The following ANKRD22 variants were observed in gnomAD, a reference collection of about 807,000 sequenced individuals.
ANKRD22 encodes ankyrin repeat domain 22.
A neutral mutation model predicts 25.7 loss-of-function variants in ANKRD22; 24 were observed. The ratio of observed to expected loss-of-function variants is 0.93; its 90% CI spans 0.68 to 1.31. The LOEUF is 1.31. Ranked by LOEUF, ANKRD22 falls within the 50% of genes most tolerant of loss-of-function variation. The pLI is 0.00. For synonymous variants in ANKRD22, 84 were observed against 84.3 expected (o/e 1.00, Z 0.02); for missense variants, 214 against 227.1 (o/e 0.94, Z 0.37).
chr10:88,840,994 C>T (rs1041769341), intron 1 of ANKRD22, among the ~76,000 whole-genome samples: 2 of 152,092 alleles, frequency 1.3e-5, no homozygotes, highest in Non-Finnish European at 2.9e-5. Context: ...GTCATAGTTC[C>T]TCATGAACGA....
intron 1 of ANKRD22, among the ~76,000 whole-genome samples, chr10:88,850,173 T>C (rs529777854): frequency 2.6e-5 from 4 of 152,154 alleles, no homozygotes; most frequent in South Asian, 4.1e-4. Flanking sequence ...AAGAGATTAC[T>C]ATTTAATTTT....
intron 2 of ANKRD22, among the ~76,000 whole-genome samples, chr10:88,831,594 C>CCAGA (rs1843904087): frequency 1.3e-5 from 2 of 152,062 alleles, no homozygotes; most frequent in South Asian, 4.1e-4. Context: ...AATAAGTGAA[C>CCAGA]CAGAGGTAAA....
intron 1 of ANKRD22, among the ~76,000 whole-genome samples, chr10:88,848,435 G>T (rs1253972888): frequency 6.6e-6 from 1 of 152,040 alleles, no homozygotes; most frequent in East Asian, 1.9e-4. Flanking sequence ...TACAAGGAAA[G>T]AATTAGAAAA....
intron 1 of ANKRD22, among the ~76,000 whole-genome samples, chr10:88,848,400 T>A (rs1844073407): frequency 6.6e-6 from 1 of 152,102 alleles, no homozygotes; most frequent in African/African-American, 2.4e-5. Flanking sequence ...GCACAACATT[T>A]TAATTTGTAA....
chr10:88,828,009 T>A (rs558878529), intron 3 of ANKRD22, among the ~76,000 whole-genome samples: 1 of 152,206 alleles, frequency 6.6e-6, no homozygotes, highest in African/African-American at 2.4e-5. Context: ...ACCAACTACA[T>A]CTTTCTTTAT....
rs1843783939 is a variant in ANKRD22 at position 88,820,737 on chromosome 10, A to C, written c.*2204T>G. Among the ~76,000 whole-genome samples, 1 of 152,196 alleles carries C rather than the reference A, an allele frequency of 6.6e-6. No homozygotes were observed. The highest frequency in any genetic ancestry group is 1.5e-5 in the Non-Finnish European group (1 of 68,030). On this transcript the variant is annotated 3_prime_UTR_variant, in exon 6 of 6. Transcript: ENST00000371930. ...CATCTTGAAGGGTAGGTTTTACCTG[A>C]TAGCCAGAAAATATCTAGACATTCT...
chr10:88,825,007 T>TCACACACACACA (rs568461484), intron 4 of ANKRD22, among the ~76,000 whole-genome samples: 1,415 of 115,360 alleles, frequency 0.012, 10 homozygotes, highest in Middle Eastern at 0.038. Context: ...TCTCTCTCTC[T>TCACACACACACA]CTCTCACACA....
intron 4 of ANKRD22, among the ~76,000 whole-genome samples, chr10:88,824,154 A>G (rs1007588088): frequency 6.6e-6 from 1 of 152,250 alleles, no homozygotes; most frequent in South Asian, 2.1e-4. Flanking sequence ...GTGCAGTTCT[A>G]CAGAGACATT....
At chr10:88,848,449 G>C (rs1023031137) in intron 1 of ANKRD22, among the ~76,000 whole-genome samples, 3 of 152,084 alleles carry the variant, frequency 2.0e-5, no homozygotes, top group Non-Finnish European at 4.4e-5. Flanking sequence ...TAGAAAACCA[G>C]TTGGGATGAA....
chr10:88,827,856 T>G (rs1843869325), intron 3 of ANKRD22, among the ~76,000 whole-genome samples: 1 of 152,198 alleles, frequency 6.6e-6, no homozygotes, highest in Non-Finnish European at 1.5e-5. Context: ...TCTTGAGTCA[T>G]GTCTGAGAAG....
chr10:88,847,270 C>G (rs564484440), intron 1 of ANKRD22, among the ~76,000 whole-genome samples: 6 of 131,364 alleles, frequency 4.6e-5, no homozygotes, highest in African/African-American at 1.6e-4. Flanking sequence ...TTTATTGTTA[C>G]TTTTTTGAGA....
intron 4 of ANKRD22, among the ~76,000 whole-genome samples, chr10:88,824,602 C>T (rs188362229): frequency 7.9e-5 from 12 of 152,116 alleles, no homozygotes; most frequent in African/African-American, 2.9e-4. Flanking sequence ...TGTGTGTGTA[C>T]CTGCATGTGT....
Position 88,820,809 on chromosome 10 carries a change from A to G in ANKRD22, c.*2132T>C, listed in dbSNP as rs1283287783. ...CTTTAAAACACCTATTGTTTTTTCT[A>G]TAAGCCATATTTTTGGAGCACTAAA... On this transcript the variant is annotated 3_prime_UTR_variant, in exon 6 of 6. Coordinates refer to ENST00000371930, the MANE Select transcript of ANKRD22 (RefSeq NM_144590.3). Among the ~76,000 whole-genome samples, 1 of 152,192 alleles carries G rather than the reference A, an allele frequency of 6.6e-6. No homozygotes were observed.
Position 88,851,764 on chromosome 10 carries a change from A to C in ANKRD22, c.-157T>G, listed in dbSNP as rs376454578. The C allele has an allele frequency of 1.4e-6, 1 of 739,514 alleles. No individual in the cohort carries two copies. Among genetic ancestry groups the C allele is most frequent in the African/African-American group, 1.7e-5 (1 of 57,384 alleles). The allele number at this position is 739,514 out of a possible 1,614,324, so 45.8% of individuals were successfully genotyped here. ...AGTGCTTTTCTAGCAAACACCTGTC[A>C]GTGCTTTTCCAGCAGCTCAGGCAGC... On this transcript the variant is annotated 5_prime_UTR_variant, in exon 1 of 6. Transcript: ENST00000371930.
rs1589331483 is a variant in ANKRD22 at position 88,851,678 on chromosome 10, C to A, written c.-71G>T. 3.2e-6 allele frequency: 5 copies of A among 1,572,924 alleles called. No homozygotes were observed. The highest frequency in any genetic ancestry group is 1.7e-4 in the Middle Eastern group (1 of 5,978). On this transcript the variant is annotated 5_prime_UTR_variant, in exon 1 of 6. Coordinates refer to ENST00000371930, the MANE Select transcript of ANKRD22 (RefSeq NM_144590.3). Reference sequence around the variant, plus strand: ...TTCTGGAGGTATTTCTGATGAATATCAAAATCCTTCCTGGCTGAGAGGAAA... The same window carrying A: ...TTCTGGAGGTATTTCTGATGAATATAAAAATCCTTCCTGGCTGAGAGGAAA...
At chr10:88,845,987 T>C (rs1413068207) in intron 1 of ANKRD22, among the ~76,000 whole-genome samples, 1 of 152,142 alleles carries the variant, frequency 6.6e-6, no homozygotes, top group Non-Finnish European at 1.5e-5. Flanking sequence ...ATTATCACAA[T>C]CATCTTGATT....
At chr10:88,842,614 A>G (rs551476348) in intron 1 of ANKRD22, among the ~76,000 whole-genome samples, 27 of 152,312 alleles carry the variant, frequency 1.8e-4, no homozygotes, top group East Asian at 5.8e-4. Flanking sequence ...GAGGTACATA[A>G]TAGCATTCAT....
intron 1 of ANKRD22, 67 bp from the exon 2 acceptor site, chr10:88,832,093 A>G: frequency 6.9e-7 from 1 of 1,447,928 alleles, no homozygotes; most frequent in Non-Finnish European, 9.3e-7. Flanking sequence ...AACGAAAAAA[A>G]AGTCATAACC....
At chr10:88,830,701 C>G (rs1843895304) in intron 2 of ANKRD22, among the ~76,000 whole-genome samples, 2 of 152,206 alleles carry the variant, frequency 1.3e-5, no homozygotes, top group Admixed American at 6.5e-5. Flanking sequence ...TGAGGCCCTC[C>G]TCTTCTGCAA....
Sources: allele counts gnomAD v4.1 joint callset (sites outside exome capture counted in the v4.1 genomes callset), GRCh38; gene constraint gnomAD v4.1.1; transcripts MANE v1.5; gene names NCBI Gene and HGNC (gene_info 2026-07-23, HGNC 2026-07-21).